Variants in NEGR1 observed in about 807,000 individuals in gnomAD.
The protein encoded by NEGR1 is neuronal growth regulator 1.
A neutral mutation model predicts 40.9 loss-of-function variants in NEGR1; 10 were observed. That is an observed-to-expected ratio of 0.24 (90% CI 0.15 to 0.42). NEGR1 has a LOEUF of 0.42. NEGR1 is among the 10% of genes least tolerant of loss of function. The pLI, the probability that NEGR1 is intolerant of heterozygous loss-of-function variation, is 1.00. For missense variants in NEGR1, 352 were observed against 438.9 expected (o/e 0.80, Z 1.77); for synonymous variants, 185 against 166.8 (o/e 1.11, Z -0.84).
At chr1:71,622,136 C>A (rs946999107) in intron 4 of NEGR1, among the ~76,000 whole-genome samples, 1 of 151,870 alleles carries the variant, frequency 6.6e-6, no homozygotes, top group South Asian at 2.1e-4. Flanking sequence ...TTTATTGGGC[C>A]ACCAGCTGTA....
At chr1:71,847,490 T>A (rs1659459288) in intron 2 of NEGR1, among the ~76,000 whole-genome samples, 1 of 152,202 alleles carries the variant, frequency 6.6e-6, no homozygotes, top group South Asian at 2.1e-4. Context: ...ATTTTCATAA[T>A]TATTATACGT....
At chr1:72,036,329 A>G (rs1646901704) in intron 1 of NEGR1, among the ~76,000 whole-genome samples, 1 of 152,086 alleles carries the variant, frequency 6.6e-6, no homozygotes, top group South Asian at 2.1e-4. Context: ...AGGCTATAGT[A>G]GGAAAAAATG....
At chr1:71,965,396 C>A (rs1646202212) in intron 1 of NEGR1, among the ~76,000 whole-genome samples, 1 of 152,134 alleles carries the variant, frequency 6.6e-6, no homozygotes, top group Non-Finnish European at 1.5e-5. Flanking sequence ...CTACACTATG[C>A]TTAGACAAAA....
At chr1:71,881,740 T>G (rs187995248) in intron 2 of NEGR1, among the ~76,000 whole-genome samples, 26 of 152,234 alleles carry the variant, frequency 1.7e-4, no homozygotes, top group Non-Finnish European at 3.1e-4. Context: ...TGTAATCATG[T>G]GGCAGACCAC....
At chr1:72,208,782 T>A (rs1004081220) in intron 1 of NEGR1, among the ~76,000 whole-genome samples, 1 of 151,688 alleles carries the variant, frequency 6.6e-6, no homozygotes, top group African/African-American at 2.4e-5. Flanking sequence ...CTACTTTGTT[T>A]AAACATCTTA....
At chr1:71,798,319 T>C (rs1266761195) in intron 2 of NEGR1, 1 of 151,708 alleles carries the variant, frequency 6.6e-6, no homozygotes, top group East Asian at 1.9e-4. Flanking sequence ...ACGGTGAATA[T>C]CCTCTTAACT....
intron 1 of NEGR1, among the ~76,000 whole-genome samples, chr1:71,969,006 G>GT (rs980733451): frequency 6.0e-5 from 9 of 151,134 alleles, no homozygotes; most frequent in Admixed American, 2.0e-4. Context: ...CATCTCATAT[G>GT]TTTTTTTTGT....
chr1:72,143,976 G>A (rs931049597), intron 1 of NEGR1, among the ~76,000 whole-genome samples: 3 of 144,232 alleles, frequency 2.1e-5, no homozygotes, highest in African/African-American at 7.6e-5. Context: ...GGAGAGATTT[G>A]TAAGAAAGAC....
intron 1 of NEGR1, among the ~76,000 whole-genome samples, chr1:72,234,131 C>T (rs1654471837): frequency 6.6e-6 from 1 of 152,048 alleles, no homozygotes; most frequent in Non-Finnish European, 1.5e-5. Flanking sequence ...CCTCTCTCAC[C>T]TTTCAACCTC....
intron 1 of NEGR1, among the ~76,000 whole-genome samples, chr1:72,239,353 A>G (rs1194469787): frequency 2.0e-5 from 3 of 151,830 alleles, no homozygotes; most frequent in African/African-American, 7.2e-5. Flanking sequence ...TGTTTAGTTG[A>G]TATTTTTCCT....
chr1:71,532,616 A>G (rs1647390632), intron 6 of NEGR1, among the ~76,000 whole-genome samples: 1 of 151,622 alleles, frequency 6.6e-6, no homozygotes, highest in African/African-American at 2.4e-5. Context: ...CAACTATTCT[A>G]CAACGTGACA....
At chr1:72,248,550 G>A (rs546917138) in intron 1 of NEGR1, among the ~76,000 whole-genome samples, 306 of 146,430 alleles carry the variant, frequency 2.1e-3, no homozygotes, top group African/African-American at 6.9e-3. Context: ...GAGCCACCAC[G>A]CCCAGCCTGA....
At chr1:71,932,004 A>G (rs1645859661) in intron 2 of NEGR1, among the ~76,000 whole-genome samples, 1 of 152,114 alleles carries the variant, frequency 6.6e-6, no homozygotes, top group Admixed American at 6.6e-5. Context: ...AAATTATTTT[A>G]TTATTAAGTC....
chr1:72,090,417 G>A (rs1224171864), intron 1 of NEGR1, among the ~76,000 whole-genome samples: 3 of 148,228 alleles, frequency 2.0e-5, no homozygotes, highest in African/African-American at 5.0e-5. Context: ...CTAAAGTAGC[G>A]AAGATTTCTT....
chr1:71,925,116 G>A (rs565355503), intron 2 of NEGR1, among the ~76,000 whole-genome samples: 12 of 152,270 alleles, frequency 7.9e-5, no homozygotes, highest in African/African-American at 2.2e-4. Flanking sequence ...TAGTCATCAC[G>A]CTCAAGAAGT....
intron 1 of NEGR1, among the ~76,000 whole-genome samples, chr1:71,984,937 TATAA>T (rs1646382372): frequency 6.6e-6 from 1 of 152,124 alleles, no homozygotes; most frequent in Non-Finnish European, 1.5e-5. Flanking sequence ...TTACATATAT[TATAA>T]ATAAATAAAT....
intron 1 of NEGR1, among the ~76,000 whole-genome samples, chr1:72,110,371 A>T (rs1649313299): frequency 6.6e-6 from 1 of 151,560 alleles, no homozygotes. Flanking sequence ...ATAGTCACTA[A>T]AGTGAATGCA....
At chr1:71,920,008 C>A (rs958614360) in intron 2 of NEGR1, among the ~76,000 whole-genome samples, 1 of 152,080 alleles carries the variant, frequency 6.6e-6, no homozygotes, top group African/African-American at 2.4e-5. Flanking sequence ...TGCAGCTGCT[C>A]CTCTCAGTAT....
intron 3 of NEGR1, among the ~76,000 whole-genome samples, chr1:71,771,899 A>T (rs1357816604): frequency 6.6e-6 from 1 of 152,074 alleles, no homozygotes; most frequent in African/African-American, 2.4e-5. Flanking sequence ...AAGAATCATC[A>T]ATAATGTCAA....
Sources: gnomAD v4.1 joint callset for allele counts (sites outside exome capture counted in the v4.1 genomes callset) on GRCh38, gnomAD v4.1.1 for gene constraint, MANE v1.5 for transcripts, NCBI Gene and HGNC (gene_info 2026-07-23, HGNC 2026-07-21) for gene names.